SZT2: variants seen among roughly 807,000 people sequenced by gnomAD.
The protein encoded by SZT2 is SZT2 subunit of KICSTOR complex.
In SZT2, 216 loss-of-function variants were observed where a neutral mutation model predicts 404.2. The observed-to-expected ratio is 0.53, with a 90% CI of 0.48 to 0.60. SZT2 has a LOEUF of 0.60. Ranked by LOEUF, SZT2 falls within the 20% of genes least tolerant of loss-of-function variation. SZT2 has a pLI of 0.00. For synonymous variants in SZT2, 1,693 were observed against 1,749.9 expected (o/e 0.97, Z 0.81); for missense variants, 3,857 against 4,459.2 (o/e 0.86, Z 3.85).
chr1:43,414,731 G>A (rs987777981), intron 4 of SZT2, among the ~76,000 whole-genome samples: 2 of 152,222 alleles, frequency 1.3e-5, no homozygotes, highest in South Asian at 2.1e-4. Flanking sequence ...AGGCTTTGCC[G>A]GGCTGAGGAG....
In SZT2 at chr1:43,439,459, GGGCCTGTGGCACCACCA is replaced by G. The variant is rs1654827094; in HGVS notation, c.6877+20_6877+36del. ...GGGGCAAAGGTACGGTGCAGGGCAC[GGGCCTGTGGCACCACCA>G]GGTGAGGGAAAGCCTTTTGTCATCC... On this transcript the variant is annotated intron_variant, in intron 49 of 71. Transcript: ENST00000634258. This position sits in a 1 kb window ranked among gnomAD's most constrained non-coding sequence, Gnocchi z 4.2. The G allele has an allele frequency of 6.2e-7, 1 of 1,602,944 alleles. No individual in the cohort carries two copies. The highest frequency in any genetic ancestry group is 1.3e-5 in the African/African-American group (1 of 74,676).
At chr1:43,419,497 T>TTAGGTATC (rs1222967741) in intron 7 of SZT2, among the ~76,000 whole-genome samples, 1 of 152,092 alleles carries the variant, frequency 6.6e-6, no homozygotes, top group African/African-American at 2.4e-5. Flanking sequence ...TGGTGGGCCT[T>TTAGGTATC]TAGGTATCGA....
chr1:43,398,032 C>G (rs1261429348), intron 1 of SZT2, among the ~76,000 whole-genome samples: 1 of 152,200 alleles, frequency 6.6e-6, no homozygotes, highest in Non-Finnish European at 1.5e-5. Flanking sequence ...TGACCCACAA[C>G]CATGTGCTCT....
At chr1:43,434,688 G>C (rs1654281660) in intron 41 of SZT2, among the ~76,000 whole-genome samples, 1 of 152,080 alleles carries the variant, frequency 6.6e-6, no homozygotes, top group African/African-American at 2.4e-5. Context: ...CAGTAACAGT[G>C]GGTTACTCTC....
In SZT2 at chr1:43,420,924, G is replaced by A; in HGVS notation, c.1437G>A (p.Gln479=). 4 of 1,598,488 alleles carry A rather than the reference G, an allele frequency of 2.5e-6. No homozygotes were observed. Among genetic ancestry groups the A allele is most frequent in the Non-Finnish European group, 3.4e-6 (4 of 1,179,814 alleles). ...ILHDVSCALR[Q]PIRSLYRTHV... is the part of the protein sequence containing the mutation. Reference sequence around the variant, plus strand: ...ATGATGTGTCCTGTGCACTAAGGCAGCCCATTCGTTCATTGTATCGTACCC... The same window carrying A: ...ATGATGTGTCCTGTGCACTAAGGCAACCCATTCGTTCATTGTATCGTACCC... The change falls in exon 10 of 72, where the codon CAG becomes CAA. Residue 479 remains glutamine (Q), a synonymous_variant. Coordinates refer to ENST00000634258, the MANE Select transcript of SZT2 (RefSeq NM_001365999.1). The surrounding 1 kb of genome is among the most constrained non-coding windows in gnomAD (Gnocchi z 5.1).
chr1:43,392,560 G>A (rs571519681), intron 1 of SZT2, among the ~76,000 whole-genome samples: 3 of 152,142 alleles, frequency 2.0e-5, no homozygotes, highest in East Asian at 1.9e-4. Context: ...GACTACAGGC[G>A]CCTGCTACCA....
rs752551873 is a variant in SZT2 at position 43,420,139 on chromosome 1, C to T, written c.1091-14C>T. ...TAACCAGTTTCTCCTTCCCCATCTC[C>T]ACTGGTCTTCCAGGCTCTCAGCACC... On this transcript the variant is annotated splice_polypyrimidine_tract_variant and intron_variant, in intron 8 of 71. Transcript: ENST00000634258. This position sits in a 1 kb window ranked among gnomAD's most constrained non-coding sequence, Gnocchi z 5.1. The T allele has an allele frequency of 1.9e-6, 3 of 1,597,808 alleles. No individual in the cohort carries two copies. The East Asian group carries it at 6.7e-5, about 36-fold the overall frequency.
chr1:43,417,434 T>C (rs1479816933), intron 7 of SZT2, among the ~76,000 whole-genome samples: 1 of 152,108 alleles, frequency 6.6e-6, no homozygotes, highest in African/African-American at 2.4e-5. Flanking sequence ...GAAGCAGTTG[T>C]GGTAGAGTGA....
At chr1:43,431,982 C>T in intron 36 of SZT2, 81 bp downstream of exon 36, 3 of 1,520,046 alleles carry the variant, frequency 2.0e-6, no homozygotes, top group Non-Finnish European at 2.7e-6. Flanking sequence ...GGAAGGCCCT[C>T]TGTTAGTTCG....
Position 43,425,686 on chromosome 1 carries a change from G to C in SZT2, c.2814+44G>C. 1 of 1,608,148 alleles carries C rather than the reference G, an allele frequency of 6.2e-7. No homozygotes were observed. Reference sequence around the variant, plus strand: ...GTACCCGCACCTCTCTCACTGGATTGGGGTGCCATCTCTTTTGGAGTACTG... The same window carrying C: ...GTACCCGCACCTCTCTCACTGGATTCGGGTGCCATCTCTTTTGGAGTACTG... On this transcript the variant is annotated intron_variant, in intron 19 of 71. Transcript: ENST00000634258. This position sits in a 1 kb window ranked among gnomAD's most constrained non-coding sequence, Gnocchi z 4.3.
chr1:43,392,941 C>G (rs1023192547), intron 1 of SZT2, among the ~76,000 whole-genome samples: 1 of 152,270 alleles, frequency 6.6e-6, no homozygotes, highest in East Asian at 1.9e-4. Flanking sequence ...TGCTAAGTAT[C>G]AGGGTGGATA....
At position 43,439,732 on chromosome 1, in the gene SZT2, G is replaced by A; in HGVS notation, c.7005G>A (p.Gln2335=). 6.2e-7 allele frequency: 1 copy of A among 1,608,246 alleles called. No homozygotes were observed. The highest frequency in any genetic ancestry group is 1.1e-5 in the South Asian group (1 of 90,468). The change falls in exon 50 of 72, where the codon CAG becomes CAA. Residue 2335 remains glutamine (Q), a synonymous_variant. Coordinates refer to ENST00000634258, the MANE Select transcript of SZT2 (RefSeq NM_001365999.1). This position sits in a 1 kb window ranked among gnomAD's most constrained non-coding sequence, Gnocchi z 4.2. ...LREEEFEQLT[Q]VIRCPVVVDS... is the part of the protein sequence containing the mutation. ...AGGAGGAATTTGAGCAACTGACCCA[G>A]GTCATCCGCTGCCCGGTTGTTGTGG...
At position 43,420,075 on chromosome 1, in the gene SZT2, G is replaced by A; in HGVS notation, c.1091-78G>A. On this transcript the variant is annotated intron_variant, in intron 8 of 71. Transcript: ENST00000634258. This position sits in a 1 kb window ranked among gnomAD's most constrained non-coding sequence, Gnocchi z 5.1. Reference sequence around the variant, plus strand: ...GCACTGTTACCTCACAGTCATTTCAGCATAGCCCCTTCCCCCTACAGATCT... The same window carrying A: ...GCACTGTTACCTCACAGTCATTTCAACATAGCCCCTTCCCCCTACAGATCT... The A allele has an allele frequency of 6.4e-7, 1 of 1,574,440 alleles. No homozygotes were observed. Among genetic ancestry groups the A allele is most frequent in the Non-Finnish European group, 8.6e-7 (1 of 1,164,990 alleles).
Position 43,453,160 on chromosome 1 carries a change from C to CTCCCAGCATGGGA in SZT2, c.*2693_*2705dup, listed in dbSNP as rs1210245150. 4.5e-6 allele frequency: 3 copies of CTCCCAGCATGGGA among 661,150 alleles called. No homozygotes were observed. Among genetic ancestry groups the CTCCCAGCATGGGA allele is most frequent in the Non-Finnish European group, 5.4e-6 (2 of 367,478 alleles). 41.0% of individuals were successfully genotyped at this position (661,150 alleles called of 1,614,324 possible). ...CTCCTATCTGCCTAGGCAGACTGAGCTCCCAGCATGGGATCCCAGCATGGG... is the reference window on the plus strand; with the variant it reads ...CTCCTATCTGCCTAGGCAGACTGAGCTCCCAGCATGGGATCCCAGCATGGGATCCCAGCATGGG... On this transcript the variant is annotated 3_prime_UTR_variant, in exon 72 of 72. Transcript: ENST00000634258.
At position 43,431,813 on chromosome 1, in the gene SZT2, G is replaced by C. The variant is rs759728754; in HGVS notation, c.5186G>C (p.Ser1729Thr). 5.0e-6 allele frequency: 8 copies of C among 1,614,092 alleles called. No individual in the cohort carries two copies. The African/African-American group carries it at 1.1e-4, about 22-fold the overall frequency. Residue 1729 changes from serine (S) to threonine (T), a missense_variant, in exon 36 of 72, where the codon AGT (serine) becomes ACT (threonine). Physicochemically the swap from Ser to Thr is moderately conservative, Grantham distance 58. Coordinates refer to ENST00000634258, the MANE Select transcript of SZT2 (RefSeq NM_001365999.1). Reference protein sequence around the residue: ...ALHRAAAHIHSSPGRSTCLRQ... With the variant: ...ALHRAAAHIHTSPGRSTCLRQ... ...CACCGCGCAGCTGCCCATATCCATA[G>C]TTCTCCTGGACGCTCCACCTGCCTT...
Position 43,448,525 on chromosome 1 carries a change from C to G in SZT2, c.9969+41C>G, listed in dbSNP as rs1247335211. ...CTCCCGAAAGAGCTGGGATAGGTGC[C>G]AGGAATTCCACTGGCAGCCAGGGCA... On this transcript the variant is annotated intron_variant, in intron 69 of 71. Transcript: ENST00000634258. This position sits in a 1 kb window ranked among gnomAD's most constrained non-coding sequence, Gnocchi z 4.2. The G allele has an allele frequency of 3.1e-6, 5 of 1,610,302 alleles. No individual in the cohort carries two copies. The South Asian group carries it at 5.5e-5, about 18-fold the overall frequency.
chr1:43,407,128 G>A (rs1650410041), intron 4 of SZT2, among the ~76,000 whole-genome samples: 1 of 152,158 alleles, frequency 6.6e-6, no homozygotes, highest in Non-Finnish European at 1.5e-5. Flanking sequence ...CAGCTATAGG[G>A]AAGGAGAGGA....
At chr1:43,423,582 G>T (rs552354614) in intron 15 of SZT2, among the ~76,000 whole-genome samples, 2 of 147,484 alleles carry the variant, frequency 1.4e-5, no homozygotes, top group Non-Finnish European at 3.0e-5. Flanking sequence ...GAAGGGCATG[G>T]CTTAGCGGGG....
rs781074717 is a variant in SZT2, at chr1:43,437,121, G to A, written c.6035-50G>A. On this transcript the variant is annotated intron_variant, in intron 42 of 71. Coordinates refer to ENST00000634258, the MANE Select transcript of SZT2 (RefSeq NM_001365999.1). This position sits in a 1 kb window ranked among gnomAD's most constrained non-coding sequence, Gnocchi z 5.3. ...AGTTCCCAGGTGAGAAGTCTGTGGA[G>A]GGCAGAGGGTGGTGTGTCCCATTTC... is the stretch of plus-strand genomic sequence containing the variant. 5.0e-6 allele frequency: 8 copies of A among 1,604,088 alleles called. No individual in the cohort carries two copies. The African/African-American group carries it at 6.7e-5, about 13-fold the overall frequency.
Sources: allele counts gnomAD v4.1 joint callset (sites outside exome capture counted in the v4.1 genomes callset), GRCh38; gene constraint gnomAD v4.1.1; non-coding constraint Gnocchi (gnomAD v3.1); transcripts MANE v1.5; gene names NCBI Gene and HGNC (gene_info 2026-07-23, HGNC 2026-07-21).